Variants in PABPC4L observed in about 807,000 individuals in gnomAD.
PABPC4L encodes polyadenylate-binding protein 4-like.
For synonymous variants in PABPC4L, 169 were observed against 164.1 expected (o/e 1.03, Z -0.23); for missense variants, 452 against 451.4 (o/e 1.00, Z -0.01).
the PABPC4L span, among the ~76,000 whole-genome samples, chr4:134,041,765 C>A: frequency 1.3e-5 from 2 of 151,714 alleles, no homozygotes; most frequent in East Asian, 3.9e-4. Flanking sequence ...ACTGAAAAGT[C>A]AAAAAACAAT....
At chr4:134,016,799 C>G in the PABPC4L span, among the ~76,000 whole-genome samples, 4 of 152,302 alleles carry the variant, frequency 2.6e-5, no homozygotes, top group East Asian at 7.7e-4. Context: ...GATCACTTCT[C>G]AGTGTTCCAT....
the PABPC4L span, among the ~76,000 whole-genome samples, chr4:134,027,940 A>G: frequency 6.6e-6 from 1 of 152,144 alleles, no homozygotes; most frequent in Non-Finnish European, 1.5e-5. Context: ...GAGACATGAG[A>G]TATCATAATA....
At chr4:133,967,826 T>C in the PABPC4L span, among the ~76,000 whole-genome samples, 33 of 152,144 alleles carry the variant, frequency 2.2e-4, no homozygotes, top group Non-Finnish European at 4.4e-4. Context: ...AGGCAAAGTG[T>C]AGGAATGTGA....
At chr4:133,993,460 C>G in the PABPC4L span, among the ~76,000 whole-genome samples, 1 of 152,152 alleles carries the variant, frequency 6.6e-6, no homozygotes, top group African/African-American at 2.4e-5. Context: ...ATCAGGTGGA[C>G]TCTCCAGGAA....
the PABPC4L span, among the ~76,000 whole-genome samples, chr4:133,992,127 T>G: frequency 2.6e-5 from 4 of 152,158 alleles, no homozygotes; most frequent in Non-Finnish European, 4.4e-5. Flanking sequence ...TTGGCCCAAA[T>G]CATAAGGGAA....
chr4:134,178,365 C>CAAAAAAAAAAA, the PABPC4L span, among the ~76,000 whole-genome samples: 1 of 104,062 alleles, frequency 9.6e-6, no homozygotes. Flanking sequence ...AAGAAAAAAG[C>CAAAAAAAAAAA]AAAAAAAAAA....
chr4:134,064,824 C>T, the PABPC4L span, among the ~76,000 whole-genome samples: 1 of 152,006 alleles, frequency 6.6e-6, no homozygotes, highest in African/African-American at 2.4e-5. Context: ...ATGTTTAGCT[C>T]CCACTTATAA....
chr4:134,147,641 C>A, the PABPC4L span, among the ~76,000 whole-genome samples: 1 of 151,800 alleles, frequency 6.6e-6, no homozygotes, highest in African/African-American at 2.4e-5. Context: ...TATCTTAAAA[C>A]AAATTATACA....
the PABPC4L span, among the ~76,000 whole-genome samples, chr4:134,162,391 A>T: frequency 6.6e-6 from 1 of 152,142 alleles, no homozygotes; most frequent in African/African-American, 2.4e-5. Flanking sequence ...CTAAGAAAAG[A>T]GATAGACACC....
At chr4:133,998,752 T>C in the PABPC4L span, among the ~76,000 whole-genome samples, 1 of 151,912 alleles carries the variant, frequency 6.6e-6, no homozygotes, top group African/African-American at 2.4e-5. Context: ...TTTTTTCTAA[T>C]GTTGGCATGG....
chr4:134,082,744 A>G, the PABPC4L span, among the ~76,000 whole-genome samples: 6 of 152,092 alleles, frequency 3.9e-5, no homozygotes, highest in Non-Finnish European at 8.8e-5. Flanking sequence ...TTACATCATT[A>G]GCATATTTTT....
downstream of PABPC4L, among the ~76,000 whole-genome samples, chr4:134,192,120 T>C (rs996279989): frequency 1.3e-5 from 2 of 152,082 alleles, no homozygotes; most frequent in African/African-American, 4.8e-5. Flanking sequence ...ACATTCCAAA[T>C]GTCCATCAAG....
chr4:134,086,770 CTTTG>C, the PABPC4L span, among the ~76,000 whole-genome samples: 1,147 of 103,874 alleles, frequency 0.011, 3 homozygotes, highest in African/African-American at 0.026. Context: ...ATTTCTTTTT[CTTTG>C]TTTGTTTGTT....
At chr4:134,052,538 G>A in the PABPC4L span, among the ~76,000 whole-genome samples, 5 of 151,680 alleles carry the variant, frequency 3.3e-5, no homozygotes, top group East Asian at 1.9e-4. Flanking sequence ...TATGTGTTCC[G>A]TGATGTGTGT....
the PABPC4L span, among the ~76,000 whole-genome samples, chr4:134,138,491 T>G: frequency 9.6e-3 from 1,452 of 151,916 alleles, 26 homozygotes; most frequent in African/African-American, 0.033. Flanking sequence ...GAGGACTATT[T>G]TTAATTACTG....
the PABPC4L span, among the ~76,000 whole-genome samples, chr4:133,974,173 G>A: frequency 6.7e-6 from 1 of 150,168 alleles, no homozygotes; most frequent in Non-Finnish European, 1.5e-5. Context: ...ATAGATAATT[G>A]GGAAATAATT....
the PABPC4L span, among the ~76,000 whole-genome samples, chr4:134,181,395 T>C: frequency 6.6e-6 from 1 of 151,864 alleles, no homozygotes; most frequent in Non-Finnish European, 1.5e-5. Context: ...CCATCTATGA[T>C]AAACCCATTG....
the PABPC4L span, among the ~76,000 whole-genome samples, chr4:134,045,354 G>C: frequency 3.3e-5 from 5 of 152,242 alleles, no homozygotes; most frequent in East Asian, 9.7e-4. Context: ...AATATCTCCT[G>C]TTCCTACATT....
chr4:134,166,305 T>C, the PABPC4L span, among the ~76,000 whole-genome samples: 1 of 152,138 alleles, frequency 6.6e-6, no homozygotes, highest in Admixed American at 6.6e-5. Context: ...AATATATATG[T>C]AGATAGATGA....
Sources: allele counts gnomAD v4.1 joint callset (sites outside exome capture counted in the v4.1 genomes callset), GRCh38; gene constraint gnomAD v4.1.1; transcripts MANE v1.5; gene names NCBI Gene and HGNC (gene_info 2026-07-23, HGNC 2026-07-21).